MAGI2: variants seen among roughly 807,000 people sequenced by gnomAD.
MAGI2 encodes the protein membrane-associated guanylate kinase, WW and PDZ domain-containing protein 2.
A neutral mutation model predicts 133.3 loss-of-function variants in MAGI2; 35 were observed. That is an observed-to-expected ratio of 0.26 (90% CI 0.20 to 0.35). The LOEUF (loss-of-function observed/expected upper bound fraction) is 0.35, where lower values mean the gene tolerates loss of function less well. MAGI2 is among the 10% of genes least tolerant of loss of function. The pLI is 1.00. For missense variants in MAGI2, 1,636 were observed against 1,863.4 expected (o/e 0.88, Z 2.25); for synonymous variants, 729 against 710.6 (o/e 1.03, Z -0.41).
At chr7:79,413,380 G>A (rs1048276671) in intron 1 of MAGI2, 5 of 152,100 alleles carry the variant, frequency 3.3e-5, no homozygotes, top group Non-Finnish European at 7.4e-5. Context: ...TATAAAAGTG[G>A]CAGGAATTTT....
Position 78,408,406 on chromosome 7 carries a change from A to G in MAGI2, c.1046-39193T>C, listed in dbSNP as rs140933441. 3.7e-3 allele frequency among the ~76,000 whole-genome samples: 570 copies of G among 152,144 alleles called. 3 individuals carry two copies. Among genetic ancestry groups the G allele is most frequent in the African/African-American group, 0.013 (545 of 41,524 alleles). ...CTCATTGGTTTCTCTCCTTCACTGTATAGTGAATTGGGGATGGGAGTGAGG... is the reference window on the plus strand; with the variant it reads ...CTCATTGGTTTCTCTCCTTCACTGTGTAGTGAATTGGGGATGGGAGTGAGG... On this transcript the variant is annotated intron_variant, in intron 6 of 21. Coordinates refer to ENST00000354212, the MANE Select transcript of MAGI2 (RefSeq NM_012301.4).
intron 1 of MAGI2, among the ~76,000 whole-genome samples, chr7:79,275,759 C>T (rs1835187049): frequency 6.6e-6 from 1 of 152,006 alleles, no homozygotes; most frequent in Non-Finnish European, 1.5e-5. Context: ...AGCCAGTGTT[C>T]ACTTACTATT....
chr7:78,180,201 T>C lies in MAGI2; in HGVS notation c.2312-2099A>G, dbSNP rs574616081. ...ATGATAGAGCCAGCATATGTTTAAC[T>C]AGAACTTTTCATCTCCTGTATTCTT... is the stretch of plus-strand genomic sequence containing the variant. On this transcript the variant is annotated intron_variant, in intron 13 of 21. Transcript: ENST00000354212. Among the ~76,000 whole-genome samples the C allele has an allele frequency of 3.3e-5, 5 of 152,354 alleles. No individual in the cohort carries two copies. In the South Asian group the frequency reaches 1.0e-3, roughly 32 times the overall value.
rs564528607 is a variant in MAGI2 at position 78,558,136 on chromosome 7, G to C, written c.539-36491C>G. ...CAATTGAATACAAATAAAATAATCA[G>C]AGTTGGCAATTATCTGATGTTATGA... On this transcript the variant is annotated intron_variant, in intron 3 of 21. Transcript: ENST00000354212. Among the ~76,000 whole-genome samples the C allele has an allele frequency of 2.6e-5, 4 of 152,216 alleles. No homozygotes were observed. The South Asian group carries it at 8.3e-4, about 32-fold the overall frequency.
At chr7:78,788,280 C>T (rs2151360363) in intron 2 of MAGI2, among the ~76,000 whole-genome samples, 1 of 152,280 alleles carries the variant, frequency 6.6e-6, no homozygotes, top group East Asian at 1.9e-4. Flanking sequence ...AGAATTTCTA[C>T]TCTGTGAATT....
intron 2 of MAGI2, among the ~76,000 whole-genome samples, chr7:78,884,922 G>A (rs1278975903): frequency 1.3e-5 from 2 of 152,090 alleles, no homozygotes; most frequent in Non-Finnish European, 2.9e-5. Context: ...ATCAACCTAG[G>A]TGCCCATTAA....
chr7:78,135,925 G>C (rs6950518), intron 16 of MAGI2, among the ~76,000 whole-genome samples: 113,483 of 152,022 alleles, frequency 0.75, 42,705 homozygotes, highest in African/African-American at 0.84. Flanking sequence ...CAATGCCATG[G>C]ATGGTAAGAC....
At chr7:78,422,322 C>T (rs897785437) in intron 6 of MAGI2, among the ~76,000 whole-genome samples, 1 of 152,122 alleles carries the variant, frequency 6.6e-6, no homozygotes, top group Admixed American at 6.5e-5. Flanking sequence ...ATTAGCAATA[C>T]TGTATTGTAC....
chr7:78,757,102 C>T (rs535288335), intron 2 of MAGI2, among the ~76,000 whole-genome samples: 1 of 152,230 alleles, frequency 6.6e-6, no homozygotes, highest in South Asian at 2.1e-4. Context: ...CAGAAGAGAA[C>T]TTTTAGAAGT....
chr7:79,422,015 C>T (rs561724689), intron 1 of MAGI2, among the ~76,000 whole-genome samples: 11 of 152,036 alleles, frequency 7.2e-5, no homozygotes, highest in South Asian at 2.1e-4. Flanking sequence ...CATTGCAATA[C>T]GCAAGCCAGC....
At position 79,392,974 on chromosome 7, in the gene MAGI2, C is replaced by T. The variant is rs564904936; in HGVS notation, c.301+60046G>A. ...TAGGATTTGTTAATTGTCTTCCCTC[C>T]ACTCTCAGAAATTCCAACACAGAGA... On this transcript the variant is annotated intron_variant, in intron 1 of 21. Coordinates refer to ENST00000354212, the MANE Select transcript of MAGI2 (RefSeq NM_012301.4). 1.9e-4 allele frequency among the ~76,000 whole-genome samples: 29 copies of T among 152,242 alleles called. No individual in the cohort carries two copies. In the South Asian group the frequency reaches 6.0e-3, roughly 32 times the overall value.
chr7:78,396,529 A>T (rs1025958054), intron 6 of MAGI2, among the ~76,000 whole-genome samples: 5 of 152,140 alleles, frequency 3.3e-5, no homozygotes, highest in Non-Finnish European at 7.4e-5. Context: ...TCACATGCTT[A>T]CCTTGCCTTC....
intron 3 of MAGI2, among the ~76,000 whole-genome samples, chr7:78,539,309 A>T (rs1432755209): frequency 6.6e-6 from 1 of 151,930 alleles, no homozygotes; most frequent in Non-Finnish European, 1.5e-5. Flanking sequence ...TATGTGGTGT[A>T]TCAAATTTAT....
intron 4 of MAGI2, among the ~76,000 whole-genome samples, chr7:78,512,001 C>T (rs1313099541): frequency 4.6e-5 from 7 of 151,612 alleles, no homozygotes; most frequent in East Asian, 1.9e-4. Context: ...CGGGCACCTG[C>T]AGTCCCAGCT....
At position 78,704,329 on chromosome 7, in the gene MAGI2, A is replaced by T. The variant is rs117535604; in HGVS notation, c.419-77090T>A. ...AGCATATGAAAAAATGCGCAACATC[A>T]CTAATCATTAGAGAAATGCAGATCA... On this transcript the variant is annotated intron_variant, in intron 2 of 21. Coordinates refer to ENST00000354212, the MANE Select transcript of MAGI2 (RefSeq NM_012301.4). 6.9e-3 allele frequency among the ~76,000 whole-genome samples: 1,047 copies of T among 152,264 alleles called. 36 individuals carry two copies. Among genetic ancestry groups the T allele is most frequent in the Admixed American group, 0.057 (871 of 15,276 alleles).
At chr7:78,684,029 T>A (rs1815991749) in intron 2 of MAGI2, among the ~76,000 whole-genome samples, 1 of 152,210 alleles carries the variant, frequency 6.6e-6, no homozygotes, top group African/African-American at 2.4e-5. Flanking sequence ...CTCTGAACCC[T>A]CTAATCACGT....
At chr7:79,420,136 T>C (rs1350630840) in intron 1 of MAGI2, among the ~76,000 whole-genome samples, 2 of 152,080 alleles carry the variant, frequency 1.3e-5, no homozygotes, top group African/African-American at 2.4e-5. Flanking sequence ...TCTGTTCTGA[T>C]TCTATTGTCC....
intron 6 of MAGI2, among the ~76,000 whole-genome samples, chr7:78,394,901 T>C (rs1489302001): frequency 6.6e-6 from 1 of 152,202 alleles, no homozygotes; most frequent in African/African-American, 2.4e-5. Context: ...ATGGCCGCAC[T>C]TTAGCTAATT....
At chr7:78,710,970 T>C (rs1819125609) in intron 2 of MAGI2, among the ~76,000 whole-genome samples, 1 of 152,172 alleles carries the variant, frequency 6.6e-6, no homozygotes, top group Non-Finnish European at 1.5e-5. Flanking sequence ...AGGTAAGCTC[T>C]GAGTATATAA....
Sources: allele counts gnomAD v4.1 joint callset (sites outside exome capture counted in the v4.1 genomes callset), GRCh38; gene constraint gnomAD v4.1.1; transcripts MANE v1.5; gene names NCBI Gene and HGNC (gene_info 2026-07-23, HGNC 2026-07-21).